SH3BGRL: variants seen among roughly 807,000 people sequenced by gnomAD.
SH3BGRL encodes adapter SH3BGRL.
In SH3BGRL, 7 loss-of-function variants were observed where a neutral mutation model predicts 9.8. That is an observed-to-expected ratio of 0.72 (90% CI 0.41 to 1.35). SH3BGRL has a LOEUF of 1.35. SH3BGRL is among the 40% of genes most tolerant of loss of function. The pLI, the probability that SH3BGRL is intolerant of heterozygous loss-of-function variation, is 0.01. For synonymous variants in SH3BGRL, 36 were observed against 29.1 expected, an observed-to-expected ratio of 1.24 and a Z score of -0.76; for missense variants, 73 against 84.4, an observed-to-expected ratio of 0.86 and a Z score of 0.53.
chrX:81,251,724 A>C (rs901120978), intron 1 of SH3BGRL, among the ~76,000 whole-genome samples: 1 of 112,270 alleles, frequency 8.9e-6, no homozygotes, highest in African/African-American at 3.2e-5. Flanking sequence ...AAACATTCTA[A>C]AACAGAAACA....
At chrX:81,268,850 C>G (rs2075766749) in intron 1 of SH3BGRL, among the ~76,000 whole-genome samples, 1 of 111,360 alleles carries the variant, frequency 9.0e-6, no homozygotes, top group Non-Finnish European at 1.9e-5. Flanking sequence ...GTGTGGGAGT[C>G]TAAGTCTCTT....
At chrX:81,261,266 T>C (rs2147700847) in intron 1 of SH3BGRL, among the ~76,000 whole-genome samples, 1 of 111,487 alleles carries the variant, frequency 9.0e-6, no homozygotes, top group South Asian at 3.7e-4. Flanking sequence ...TTCTAGTCTG[T>C]AAAATGGAGA....
At chrX:81,282,988 T>C (rs939238198) in intron 3 of SH3BGRL, among the ~76,000 whole-genome samples, 4 of 112,113 alleles carry the variant, frequency 3.6e-5, no homozygotes, top group African/African-American at 9.7e-5. Context: ...ACAGGAAATA[T>C]TATAACTGAC....
At chrX:81,292,459 A>G (rs746198030) in intron 3 of SH3BGRL, among the ~76,000 whole-genome samples, 1 of 111,728 alleles carries the variant, frequency 9.0e-6, no homozygotes, top group South Asian at 3.8e-4. Context: ...TGCCTGGCCC[A>G]CAAAACCATT....
intron 1 of SH3BGRL, among the ~76,000 whole-genome samples, chrX:81,223,345 A>G (rs1021105946): frequency 5.4e-5 from 6 of 110,395 alleles, no homozygotes; most frequent in Non-Finnish European, 7.6e-5. Flanking sequence ...TTTTGTGGTG[A>G]AGTGGGAGAT....
At chrX:81,291,768 G>A (rs192783967) in intron 3 of SH3BGRL, among the ~76,000 whole-genome samples, 1 of 112,291 alleles carries the variant, frequency 8.9e-6, no homozygotes, top group Non-Finnish European at 1.9e-5. Context: ...CATTAGGTAA[G>A]TGCTCCTATT....
At chrX:81,209,210 G>A (rs760086100) in intron 1 of SH3BGRL, among the ~76,000 whole-genome samples, 32 of 109,206 alleles carry the variant, frequency 2.9e-4, no homozygotes, top group African/African-American at 9.4e-4. Flanking sequence ...TTTTCACCAC[G>A]TTGCCCAGGC....
intron 3 of SH3BGRL, among the ~76,000 whole-genome samples, chrX:81,282,599 A>C (rs1002851267): frequency 8.9e-6 from 1 of 112,086 alleles, no homozygotes; most frequent in African/African-American, 3.2e-5. Context: ...AAACAAAATC[A>C]AGATGGAAAT....
chrX:81,258,957 GA>G (rs2075733299), intron 1 of SH3BGRL, among the ~76,000 whole-genome samples: 1 of 112,080 alleles, frequency 8.9e-6, no homozygotes, highest in Admixed American at 9.4e-5. Flanking sequence ...AAAGTAAAAA[GA>G]AAAAAAGCTA....
intron 1 of SH3BGRL, among the ~76,000 whole-genome samples, chrX:81,230,755 G>A (rs1485036849): frequency 9.0e-6 from 1 of 111,389 alleles, no homozygotes; most frequent in African/African-American, 3.3e-5. Context: ...CACTATTTTC[G>A]TCCATATAAC....
intron 1 of SH3BGRL, among the ~76,000 whole-genome samples, chrX:81,232,595 T>TTCTCTCTCACTCTC (rs1556103328): frequency 1.8e-5 from 2 of 110,313 alleles, no homozygotes; most frequent in African/African-American, 6.6e-5. Flanking sequence ...TTCTCATGCC[T>TTCTCTCTCACTCTC]TCTCTCTCAC....
At position 81,284,605 on chromosome X, in the gene SH3BGRL, A is replaced by G. The variant is rs752427566; in HGVS notation, c.312+6194A>G. Among the ~76,000 whole-genome samples, 8 of 110,628 alleles carry G rather than the reference A, an allele frequency of 7.2e-5. No homozygotes were observed. The South Asian group carries it at 1.1e-3, about 16-fold the overall frequency. On this transcript the variant is annotated intron_variant, in intron 3 of 3. Coordinates refer to ENST00000373212, the MANE Select transcript of SH3BGRL (RefSeq NM_003022.3). ...GCATGTGGTGTTCTGAGAGTGGATG[A>G]AATTAGGAGAAAGGAATAAAAATAA...
chrX:81,278,240 G>A (rs2075804574), intron 2 of SH3BGRL, 91 bp from the exon 3 acceptor site: 1 of 640,098 alleles, frequency 1.6e-6, no homozygotes, highest in Non-Finnish European at 2.4e-6. Context: ...TGGGATTACA[G>A]GCGTGAGCCA....
intron 1 of SH3BGRL, among the ~76,000 whole-genome samples, chrX:81,219,139 A>T (rs931884025): frequency 9.1e-6 from 1 of 110,371 alleles, no homozygotes; most frequent in Non-Finnish European, 1.9e-5. Flanking sequence ...TCACAAAAAG[A>T]TCATCACCTA....
At chrX:81,214,446 A>G (rs2147668691) in intron 1 of SH3BGRL, among the ~76,000 whole-genome samples, 1 of 111,751 alleles carries the variant, frequency 8.9e-6, no homozygotes, top group Admixed American at 9.5e-5. Flanking sequence ...AATTAAGCGA[A>G]CTGGAATTTT....
In SH3BGRL at chrX:81,287,919, T is replaced by G. The variant is rs1211248142; in HGVS notation, c.313-9276T>G. On this transcript the variant is annotated intron_variant, in intron 3 of 3. Transcript: ENST00000373212. ...TATTACCCTGGTGCCAAAATCACAC[T>G]AGAATACATAAAAAAGAAAAAGAAA... 3.3e-5 allele frequency among the ~76,000 whole-genome samples: 3 copies of G among 90,457 alleles called. No homozygotes were observed. The East Asian group carries it at 9.8e-4, about 30-fold the overall frequency. 78.6% of individuals were successfully genotyped at this position (90,457 alleles called of 115,157 possible). A position where few individuals can be genotyped will look rare whatever the true frequency, so the allele number is the denominator to read the frequency against.
intron 1 of SH3BGRL, among the ~76,000 whole-genome samples, chrX:81,225,617 T>C (rs1441752615): frequency 9.0e-6 from 1 of 111,637 alleles, no homozygotes; most frequent in Non-Finnish European, 1.9e-5. Flanking sequence ...TAGTATTCCA[T>C]GGTGTATATT....
intron 3 of SH3BGRL, among the ~76,000 whole-genome samples, chrX:81,281,873 C>T (rs1200639983): frequency 2.7e-5 from 3 of 112,302 alleles, no homozygotes; most frequent in East Asian, 2.8e-4. Context: ...TTAAATGCTT[C>T]ACTTGAAAGA....
In SH3BGRL at chrX:81,261,736, T is replaced by A. The variant is rs778208626; in HGVS notation, c.46-15248T>A. Among the ~76,000 whole-genome samples the A allele has an allele frequency of 2.3e-4, 26 of 111,388 alleles. 1 individual carries two copies. Among genetic ancestry groups the A allele is most frequent in the Non-Finnish European group, 4.2e-4 (22 of 52,976 alleles). On this transcript the variant is annotated intron_variant, in intron 1 of 3. Coordinates refer to ENST00000373212, the MANE Select transcript of SH3BGRL (RefSeq NM_003022.3). ...AAGTACTTTGCTAGTTGGGAATGGA[T>A]AAGAATCTGTGTGCAAACGGTAACT...
Sources: gnomAD v4.1 joint callset for allele counts (sites outside exome capture counted in the v4.1 genomes callset) on GRCh38, gnomAD v4.1.1 for gene constraint, MANE v1.5 for transcripts, NCBI Gene and HGNC (gene_info 2026-07-23, HGNC 2026-07-21) for gene names.